TBC1D14: variants seen among roughly 807,000 people sequenced by gnomAD.
TBC1D14 encodes TBC1 domain family, member 14.
Under a neutral mutation model 79.0 loss-of-function variants are expected in TBC1D14, and 26 were observed. The ratio of observed to expected loss-of-function variants is 0.33; its 90% confidence interval spans 0.24 to 0.46. The LOEUF (loss-of-function observed/expected upper bound fraction) is 0.46. Ranked by LOEUF, TBC1D14 falls within the 20% of genes least tolerant of loss-of-function variation. TBC1D14 has a pLI of 1.00. For synonymous variants in TBC1D14, 394 were observed against 349.9 expected (o/e 1.13, Z -1.40); for missense variants, 769 against 887.6 (o/e 0.87, Z 1.70).
In TBC1D14 at chr4:6,996,415, G is replaced by T. The variant is rs924132099; in HGVS notation, c.1045+8G>T. ...TTCAGGCCAAAAAGCGAGGTAATGG[G>T]GTTCACACTTGATGGGTTAAATCAG... is the stretch of plus-strand genomic sequence containing the variant. On this transcript the variant is annotated splice_region_variant and intron_variant, in intron 5 of 13. Transcript: ENST00000409757. 3.1e-6 allele frequency: 5 copies of T among 1,608,718 alleles called. No individual in the cohort carries two copies. The African/African-American group carries it at 5.3e-5, about 17-fold the overall frequency.
intron 11 of TBC1D14, among the ~76,000 whole-genome samples, chr4:7,011,326 T>G (rs1423844847): frequency 7.4e-6 from 1 of 134,998 alleles, no homozygotes; most frequent in East Asian, 2.5e-4. Flanking sequence ...GCGGTGACAG[T>G]GGGGGGTGGT....
chr4:6,967,278 C>T, intron 2 of TBC1D14, 26 bp from the exon 3 acceptor site: 1 of 1,611,196 alleles, frequency 6.2e-7, no homozygotes, highest in Non-Finnish European at 8.5e-7. Flanking sequence ...CAGAAATGCC[C>T]TAACCTTGTT....
At chr4:7,010,498 G>A (rs1248637211) in intron 10 of TBC1D14, among the ~76,000 whole-genome samples, 155 bp from the exon 11 acceptor site, 2 of 152,176 alleles carry the variant, frequency 1.3e-5, no homozygotes, top group Non-Finnish European at 2.9e-5. Context: ...GTGGTTCTGA[G>A]TGAGGGCAGT....
intron 3 of TBC1D14, among the ~76,000 whole-genome samples, chr4:6,977,737 AT>A (rs1716898104): frequency 1.1e-4 from 5 of 47,202 alleles, no homozygotes; most frequent in Non-Finnish European, 2.3e-4. Flanking sequence ...CCAGGCCGCC[AT>A]CCCATCTAGG....
intron 2 of TBC1D14, among the ~76,000 whole-genome samples, chr4:6,925,875 G>C (rs185153695): frequency 1.2e-3 from 181 of 152,290 alleles, no homozygotes; most frequent in African/African-American, 3.9e-3. Context: ...CGGACCTCAG[G>C]ATCCATCCAG....
intron 2 of TBC1D14, among the ~76,000 whole-genome samples, chr4:6,948,582 G>C (rs547450208): frequency 6.6e-6 from 1 of 152,286 alleles, no homozygotes; most frequent in South Asian, 2.1e-4. Context: ...GGGTGGGACA[G>C]GTGGGTCTCC....
chr4:6,977,277 C>T (rs1199614687), intron 3 of TBC1D14, among the ~76,000 whole-genome samples: 4 of 148,742 alleles, frequency 2.7e-5, no homozygotes, highest in South Asian at 2.2e-4. Context: ...CGCGCCGCCA[C>T]GCCTGACTGG....
At chr4:7,001,082 A>G (rs1468058315) in intron 6 of TBC1D14, 63 bp from the exon 7 acceptor site, 2 of 1,448,964 alleles carry the variant, frequency 1.4e-6, no homozygotes, top group Non-Finnish European at 9.6e-7. Flanking sequence ...GGGGCTAGGC[A>G]CGCAGGTAGA....
intron 2 of TBC1D14, among the ~76,000 whole-genome samples, chr4:6,932,557 G>A (rs977656257): frequency 2.0e-5 from 3 of 152,162 alleles, no homozygotes; most frequent in Non-Finnish European, 4.4e-5. Flanking sequence ...TTCTGTATGG[G>A]CATGTAGGCC....
intron 2 of TBC1D14, among the ~76,000 whole-genome samples, chr4:6,947,538 T>C (rs1209161116): frequency 6.6e-6 from 1 of 151,562 alleles, no homozygotes; most frequent in Non-Finnish European, 1.5e-5. Flanking sequence ...GGCGGGTGCC[T>C]GTAATCCCAC....
intron 1 of TBC1D14, among the ~76,000 whole-genome samples, chr4:6,911,696 G>C (rs1348398027): frequency 6.6e-6 from 1 of 152,170 alleles, no homozygotes; most frequent in Admixed American, 6.5e-5. Flanking sequence ...TGGGTTGATT[G>C]CTTAGCTGGT....
At chr4:6,926,752 G>A (rs1304959352) in intron 2 of TBC1D14, among the ~76,000 whole-genome samples, 1 of 152,222 alleles carries the variant, frequency 6.6e-6, no homozygotes, top group Non-Finnish European at 1.5e-5. Context: ...TGAGTAAATG[G>A]AGTTACAGTG....
rs779025593 is a variant in TBC1D14 at position 6,996,284 on chromosome 4, C to T, written c.963-41C>T. ...AGGTTTTTTCTGAAAGACTTCTATG[C>T]GGTATTTATAATGGTGAAAACTCAT... On this transcript the variant is annotated intron_variant, in intron 4 of 13. Transcript: ENST00000409757. 76 of 1,503,194 alleles carry T rather than the reference C, an allele frequency of 5.1e-5. No homozygotes were observed. In the Admixed American group the frequency reaches 5.8e-4, roughly 11 times the overall value. 93.1% of individuals were successfully genotyped at this position (1,503,194 alleles called of 1,614,324 possible). A position where few individuals can be genotyped will look rare whatever the true frequency, so the allele number is the denominator to read the frequency against.
At chr4:7,001,706 G>A (rs1176127679) in intron 7 of TBC1D14, among the ~76,000 whole-genome samples, 1 of 152,154 alleles carries the variant, frequency 6.6e-6, no homozygotes, top group African/African-American at 2.4e-5. Flanking sequence ...GGCTCTGGGA[G>A]TTTGTCTGCT....
At chr4:6,993,861 T>C (rs1718746237) in intron 3 of TBC1D14, among the ~76,000 whole-genome samples, 2 of 152,076 alleles carry the variant, frequency 1.3e-5, no homozygotes, top group Admixed American at 1.3e-4. Context: ...AATAAAAAAA[T>C]TAGCCAGCCG....
At chr4:6,928,324 T>C (rs542070262) in intron 2 of TBC1D14, among the ~76,000 whole-genome samples, 1 of 152,184 alleles carries the variant, frequency 6.6e-6, no homozygotes, top group Non-Finnish European at 1.5e-5. Context: ...TGGGAGCTCC[T>C]TGGGGGCAGA....
At chr4:6,984,976 C>T (rs750263214) in intron 3 of TBC1D14, among the ~76,000 whole-genome samples, 1 of 152,176 alleles carries the variant, frequency 6.6e-6, no homozygotes, top group Admixed American at 6.5e-5. Flanking sequence ...CCAGAAAGAC[C>T]GAGAGAAAAG....
chr4:7,017,249 G>A (rs1410631076), intron 12 of TBC1D14, among the ~76,000 whole-genome samples: 1 of 151,720 alleles, frequency 6.6e-6, no homozygotes, highest in Non-Finnish European at 1.5e-5. Context: ...GCAGTGAGCC[G>A]AGATCACACC....
intron 3 of TBC1D14, 94 bp from the exon 4 acceptor site, chr4:6,994,090 A>T: frequency 8.7e-7 from 1 of 1,148,172 alleles, no homozygotes; most frequent in Non-Finnish European, 1.3e-6. Flanking sequence ...AAATTGGCTT[A>T]AAAGAGTTTC....
Sources: gnomAD v4.1 joint callset for allele counts (sites outside exome capture counted in the v4.1 genomes callset) on GRCh38, gnomAD v4.1.1 for gene constraint, MANE v1.5 for transcripts, NCBI Gene and HGNC (gene_info 2026-07-23, HGNC 2026-07-21) for gene names.